The following PSMB8 variants were observed in gnomAD, a reference collection of about 807,000 sequenced individuals.
PSMB8 encodes the protein proteasome subunit beta type-8.
PSMB8 carries 20 observed loss-of-function variants against 32.3 expected under a neutral mutation model. That is an observed-to-expected ratio of 0.62 (90% CI 0.44 to 0.90). PSMB8 has a LOEUF of 0.90. Among genes scored for constraint, PSMB8 ranks in the 40% least tolerant of loss-of-function variants. PSMB8 has a pLI of 0.00. For synonymous variants in PSMB8, 131 were observed against 135.4 expected (o/e 0.97, Z 0.23); for missense variants, 342 against 365.4 (o/e 0.94, Z 0.52).
intron 1 of PSMB8, 40 bp from the exon 2 acceptor site, chr6:32,843,129 T>C (rs1175338954): frequency 6.2e-7 from 1 of 1,611,108 alleles, no homozygotes; most frequent in Non-Finnish European, 8.5e-7. Context: ...AATGAAAAAT[T>C]CTGTAGTAAG....
Position 32,840,775 on chromosome 6 carries a change from G to A in PSMB8, c.*184C>T. On this transcript the variant is annotated 3_prime_UTR_variant, in exon 6 of 6. Transcript: ENST00000374882. ...GGGGCACCCAGAAACTTCCCTGGGG[G>A]AAATGCTTGTTCAAATAGAGAACAC... 1.6e-6 allele frequency: 1 copy of A among 619,960 alleles called. No individual in the cohort carries two copies. The highest frequency in any genetic ancestry group is 1.9e-5 in the South Asian group (1 of 52,084). The allele number at this position is 619,960 out of a possible 1,614,324, so 38.4% of individuals were successfully genotyped here.
At chr6:32,842,855 C>A (rs1770008404) in intron 2 of PSMB8, 72 bp from the exon 3 acceptor site, 1 of 1,609,366 alleles carries the variant, frequency 6.2e-7, no homozygotes, top group African/African-American at 1.3e-5. Context: ...AAATCAATAT[C>A]CACTTCCACT....
At chr6:32,844,480 A>G (rs1770194419), upstream of PSMB8, 1 of 1,589,994 alleles carries the variant, frequency 6.3e-7, no homozygotes, top group African/African-American at 1.3e-5. Context: ...TCCTGGGCCA[A>G]CTGCAACAGA....
intron 1 of PSMB8, among the ~76,000 whole-genome samples, chr6:32,843,543 C>T (rs917382605): frequency 3.3e-5 from 5 of 152,208 alleles, no homozygotes; most frequent in African/African-American, 1.2e-4. Flanking sequence ...CACCACACAC[C>T]TCCTATATCA....
chr6:32,841,197 T>C (rs1490702110), intron 5 of PSMB8, 150 bp from the exon 6 acceptor site: 2 of 757,594 alleles, frequency 2.6e-6, no homozygotes, highest in Non-Finnish European at 4.7e-6. Context: ...ACTCTGAAAA[T>C]TTCCTCCCTA....
chr6:32,842,637 T>A, intron 3 of PSMB8, 35 bp downstream of exon 3: 1 of 1,526,232 alleles, frequency 6.6e-7, no homozygotes, highest in Non-Finnish European at 9.1e-7. Context: ...GATTAACCAC[T>A]AGGCTAAGAA....
chr6:32,842,220 C>T lies in PSMB8; in HGVS notation c.451G>A (p.Ala151Thr), dbSNP rs749800130. The T allele has an allele frequency of 2.5e-6, 4 of 1,613,038 alleles. No homozygotes were observed. The East Asian group carries it at 6.7e-5, about 27-fold the overall frequency. ...RNGERISVSAASKLLSNMMCQ... is the reference protein window; with the variant it reads ...RNGERISVSATSKLLSNMMCQ... ...ATCATGTTGGACAGCAGCTTGGAGG[C>T]TGCCGACACTGAAATACGTTCTCCA... Residue 151 changes from alanine (A) to threonine (T), a missense_variant, in exon 4 of 6, where the codon GCC becomes ACC. Physicochemically the swap from Ala to Thr is moderately conservative, Grantham distance 58. Coordinates refer to ENST00000374882, the MANE Select transcript of PSMB8 (RefSeq NM_148919.4).
upstream of PSMB8, chr6:32,844,258 A>G (rs1770161569): frequency 5.0e-6 from 8 of 1,613,322 alleles, no homozygotes; most frequent in African/African-American, 1.3e-5. Flanking sequence ...CCACTTGGCG[A>G]TGGGTTACAG....
At chr6:32,841,929 A>G in intron 4 of PSMB8, 194 bp from the exon 5 acceptor site, 1 of 1,004,104 alleles carries the variant, frequency 1.0e-6, no homozygotes, top group Non-Finnish European at 1.5e-6. Flanking sequence ...CAACTGTTTA[A>G]CAAAAGGGAC....
chr6:32,843,976 G>A lies in PSMB8; in HGVS notation c.21C>T (p.Cys7=), dbSNP rs749425717. The change falls in exon 1 of 6, where the codon TGC becomes TGT. Residue 7 remains cysteine, a synonymous_variant. Transcript: ENST00000374882. MALLDV[C]GAPRGQRPES... The stretch of plus-strand genomic sequence containing the variant: ...CCGGCCGCTGCCCTCGGGGGGCTCC[G>A]CATACATCTAGTAGCGCCATGACCG... 2.4e-5 allele frequency: 39 copies of A among 1,612,142 alleles called. No homozygotes were observed. Among genetic ancestry groups the A allele is most frequent in the Middle Eastern group, 3.3e-4 (2 of 6,062 alleles).
upstream of PSMB8, chr6:32,844,101 C>G (rs1770144680): frequency 2.0e-6 from 3 of 1,532,518 alleles, no homozygotes; most frequent in Admixed American, 4.1e-5. Flanking sequence ...ATCCCCCTGC[C>G]TTTTCCGAGA....
chr6:32,841,757 G>T, intron 4 of PSMB8, 22 bp from the exon 5 acceptor site: 4 of 1,605,796 alleles, frequency 2.5e-6, no homozygotes, highest in Non-Finnish European at 3.4e-6. Flanking sequence ...AAGATTTCAG[G>T]CTGAAATTGG....
chr6:32,841,569 G>A lies in PSMB8; in HGVS notation c.704C>T (p.Ala235Val). Residue 235 changes from alanine to valine, a missense_variant, in exon 5 of 6, where the codon GCC (alanine) becomes GTC (valine). Transcript: ENST00000374882. ...TCCAGAATAGCTGTCTCTGTGAGTG[G>A]CATAAGCAATAGCCCTGCGGCCAAG... ...YDLGRRAIAY[A>V]THRDSYSGGV... is the part of the protein sequence containing the mutation. 2.5e-6 allele frequency: 4 copies of A among 1,612,908 alleles called. No homozygotes were observed. The highest frequency in any genetic ancestry group is 3.4e-6 in the Non-Finnish European group (4 of 1,180,038).
rs1364617617 is a variant in PSMB8 at position 32,843,922 on chromosome 6, C to T, written c.75G>A (p.Gly25=). The T allele has an allele frequency of 5.6e-6, 9 of 1,612,744 alleles. No individual in the cohort carries two copies. The highest frequency in any genetic ancestry group is 2.2e-5 in the East Asian group (1 of 44,860). Residue 25 remains glycine, a synonymous_variant, in exon 1 of 6, where the codon GGG becomes GGA. Transcript: ENST00000374882. Reference sequence around the variant, plus strand: ...TGTAGTGTCCTGGGTCCGAGCGACGCCCGCTTCCCGCAACCGGGAGAGCCG... The same window carrying T: ...TGTAGTGTCCTGGGTCCGAGCGACGTCCGCTTCCCGCAACCGGGAGAGCCG... ...PESALPVAGS[G]RRSDPGHYSF... is the part of the protein sequence containing the mutation.
intron 2 of PSMB8, 63 bp from the exon 3 acceptor site, chr6:32,842,846 A>T: frequency 6.2e-7 from 1 of 1,609,606 alleles, no homozygotes; most frequent in South Asian, 1.1e-5. Flanking sequence ...GTGTGTCCTA[A>T]ATCAATATCC....
At chr6:32,843,789 G>T in intron 1 of PSMB8, 61 bp downstream of exon 1, 1 of 1,597,406 alleles carries the variant, frequency 6.3e-7, no homozygotes, top group African/African-American at 1.3e-5. Context: ...CCTCTCAGGC[G>T]ACCCTCCACT....
chr6:32,840,775 G>T lies in PSMB8; in HGVS notation c.*184C>A. On this transcript the variant is annotated 3_prime_UTR_variant, in exon 6 of 6. Transcript: ENST00000374882. ...GGGGCACCCAGAAACTTCCCTGGGG[G>T]AAATGCTTGTTCAAATAGAGAACAC... 1 of 619,960 alleles carries T rather than the reference G, an allele frequency of 1.6e-6. No homozygotes were observed. The highest frequency in any genetic ancestry group is 2.7e-5 in the East Asian group (1 of 36,438). The allele number at this position is 619,960 out of a possible 1,614,324, so 38.4% of individuals were successfully genotyped here. A position where few individuals can be genotyped will look rare whatever the true frequency, so the allele number is the denominator to read the frequency against.
intron 4 of PSMB8, 66 bp downstream of exon 4, chr6:32,842,068 A>C (rs1769935394): frequency 4.3e-6 from 7 of 1,611,256 alleles, no homozygotes; most frequent in Non-Finnish European, 5.9e-6. Flanking sequence ...GGAGTATATG[A>C]TGGGAAACAG....
rs1481723239 is a variant in PSMB8, at chr6:32,841,062, G to T, written c.743-15C>A. On this transcript the variant is annotated splice_polypyrimidine_tract_variant and intron_variant, in intron 5 of 5. Transcript: ENST00000374882. ...CATGTGGTACACTGTGGACAAATGA[G>T]AAAAGAACATGGAGTCACCTTTCAC... is the stretch of plus-strand genomic sequence containing the variant. 6.3e-7 allele frequency: 1 copy of T among 1,593,036 alleles called. No individual in the cohort carries two copies. The highest frequency in any genetic ancestry group is 1.1e-5 in the South Asian group (1 of 90,640).
Sources: gnomAD v4.1 joint callset for allele counts (sites outside exome capture counted in the v4.1 genomes callset) on GRCh38, gnomAD v4.1.1 for gene constraint, MANE v1.5 for transcripts, NCBI Gene and HGNC (gene_info 2026-07-23, HGNC 2026-07-21) for gene names.